MSTO1: variants seen among roughly 807,000 people sequenced by gnomAD.
MSTO1 encodes the protein protein misato homolog 1.
Under a neutral mutation model 55.7 loss-of-function variants are expected in MSTO1, and 24 were observed. The observed-to-expected ratio is 0.43, with a 90% CI of 0.31 to 0.61. The LOEUF (loss-of-function observed/expected upper bound fraction) is 0.61. Among genes scored for constraint, MSTO1 ranks in the 20% least tolerant of loss-of-function variants. MSTO1 has a pLI of 0.09. For synonymous variants in MSTO1, 162 were observed against 252.8 expected, an observed-to-expected ratio of 0.64 and a Z score of 3.41; for missense variants, 363 against 625.7, an observed-to-expected ratio of 0.58 and a Z score of 4.48.
At chr1:155,593,857 T>TACTC in the MSTO1 span, among the ~76,000 whole-genome samples, 6 of 151,638 alleles carry the variant, frequency 4.0e-5, no homozygotes, top group Non-Finnish European at 8.8e-5. Context: ...TAGTCCCAGC[T>TACTC]ACTCGGGAGG....
chr1:155,603,115 A>G, the MSTO1 span, among the ~76,000 whole-genome samples: 2 of 152,172 alleles, frequency 1.3e-5, no homozygotes, highest in Non-Finnish European at 2.9e-5. Context: ...CTGTAATCCC[A>G]GCACTTTGGG....
the MSTO1 span, among the ~76,000 whole-genome samples, chr1:155,590,244 G>A: frequency 6.6e-6 from 1 of 152,048 alleles, no homozygotes; most frequent in East Asian, 1.9e-4. Flanking sequence ...GGGAAACCCA[G>A]CCCCCAGCAG....
At chr1:155,582,789 T>C in the MSTO1 span, among the ~76,000 whole-genome samples, 98 of 152,184 alleles carry the variant, frequency 6.4e-4, no homozygotes, top group African/African-American at 2.3e-3. Context: ...TATTTTGAAA[T>C]GTGATTTAGT....
the MSTO1 span, among the ~76,000 whole-genome samples, chr1:155,604,302 A>C: frequency 2.0e-5 from 3 of 152,264 alleles, no homozygotes; most frequent in Non-Finnish European, 2.9e-5. Context: ...CACATAAAGA[A>C]CCTGTTCAAA....
the MSTO1 span, among the ~76,000 whole-genome samples, chr1:155,578,086 GTAGCAA>G: frequency 1.3e-5 from 2 of 152,018 alleles, no homozygotes; most frequent in Non-Finnish European, 2.9e-5. Context: ...GATTTTGATA[GTAGCAA>G]TATTTTTTTA....
At position 155,614,785 on chromosome 1, in the gene MSTO1, G is replaced by C. The variant is rs573439166; in HGVS notation, c.*512G>C. On this transcript the variant is annotated 3_prime_UTR_variant, in exon 14 of 14. Transcript: ENST00000245564. ...GTCAGACAGCTGGTCTGCATTGCTG[G>C]TACTGGTTGCATCATCCTCATCCTC... The C allele has an allele frequency of 9.5e-5, 146 of 1,544,180 alleles. No homozygotes were observed. The highest frequency in any genetic ancestry group is 1.2e-4 in the Non-Finnish European group (137 of 1,124,868).
At chr1:155,582,750 C>T in the MSTO1 span, among the ~76,000 whole-genome samples, 3 of 152,108 alleles carry the variant, frequency 2.0e-5, no homozygotes, top group Middle Eastern at 3.2e-3. Context: ...TGAGCCACCG[C>T]GCCCGGCCGG....
the MSTO1 span, among the ~76,000 whole-genome samples, chr1:155,575,824 A>ATTTATTTG: frequency 6.9e-6 from 1 of 144,188 alleles, no homozygotes; most frequent in Non-Finnish European, 1.5e-5. Flanking sequence ...TTATTTATTT[A>ATTTATTTG]TTTATTTATT....
the MSTO1 span, among the ~76,000 whole-genome samples, chr1:155,578,478 A>G: frequency 6.8e-6 from 1 of 147,704 alleles, no homozygotes; most frequent in Admixed American, 6.9e-5. Context: ...AGCTGGAACT[A>G]CAGGCATGCG....
At chr1:155,567,592 G>A in the MSTO1 span, among the ~76,000 whole-genome samples, 3 of 152,076 alleles carry the variant, frequency 2.0e-5, no homozygotes, top group East Asian at 1.9e-4. Context: ...GAGCCACCGC[G>A]CCCGGCCTAA....
chr1:155,567,503 G>A, the MSTO1 span, among the ~76,000 whole-genome samples: 2 of 151,022 alleles, frequency 1.3e-5, no homozygotes, highest in East Asian at 2.0e-4. Context: ...TAGTAGAGAC[G>A]GGGTTTCACC....
At chr1:155,607,782 C>T (rs1672962022), upstream of MSTO1, among the ~76,000 whole-genome samples, 1 of 152,158 alleles carries the variant, frequency 6.6e-6, no homozygotes, top group Non-Finnish European at 1.5e-5. Context: ...GTGGGCAGAT[C>T]GCTTGAGCTC....
chr1:155,579,962 G>A, the MSTO1 span, among the ~76,000 whole-genome samples: 1 of 151,622 alleles, frequency 6.6e-6, no homozygotes, highest in South Asian at 2.1e-4. Flanking sequence ...TGTAATCCCA[G>A]CTACTTGGGA....
At chr1:155,572,923 G>A in the MSTO1 span, among the ~76,000 whole-genome samples, 3 of 152,062 alleles carry the variant, frequency 2.0e-5, no homozygotes, top group Non-Finnish European at 4.4e-5. Context: ...GTGCTCAGAT[G>A]ACAGGTGTGA....
chr1:155,572,270 T>G, the MSTO1 span, among the ~76,000 whole-genome samples: 1 of 152,066 alleles, frequency 6.6e-6, no homozygotes, highest in Non-Finnish European at 1.5e-5. Flanking sequence ...CCAAAATGCC[T>G]CCAAACATTC....
At chr1:155,603,913 CT>C in the MSTO1 span, among the ~76,000 whole-genome samples, 2 of 151,810 alleles carry the variant, frequency 1.3e-5, no homozygotes, top group African/African-American at 4.8e-5. Context: ...GGTAGAAGTT[CT>C]TTTACATTCA....
At chr1:155,581,584 G>C in the MSTO1 span, among the ~76,000 whole-genome samples, 1 of 151,718 alleles carries the variant, frequency 6.6e-6, no homozygotes, top group South Asian at 2.1e-4. Context: ...TCTAATTTTT[G>C]TATTTTTAGT....
At chr1:155,600,374 G>A in the MSTO1 span, among the ~76,000 whole-genome samples, 1 of 152,086 alleles carries the variant, frequency 6.6e-6, no homozygotes, top group African/African-American at 2.4e-5. Flanking sequence ...CAGGGTTGGG[G>A]GTAAGGTCAT....
Position 155,612,553 on chromosome 1 carries a change from C to T in MSTO1, c.949C>T (p.Pro317Ser). ...GLRPEPPVSF[P>S]YLHYDATLPF... ...GCGACCCGAGCCACCTGTCAGCTTCCCTTACCTGCATTATGATGTAAGTCT... is the reference window on the plus strand; with the variant it reads ...GCGACCCGAGCCACCTGTCAGCTTCTCTTACCTGCATTATGATGTAAGTCT... Residue 317 changes from proline to serine, a missense_variant, in exon 9 of 14, where the codon CCT becomes TCT. By Grantham distance (74) the Pro-to-Ser change is moderately conservative. This residue lies in a region of MSTO1 where 231 missense variants were observed against 286.9 expected (regional missense o/e 0.81). Coordinates refer to ENST00000245564, the MANE Select transcript of MSTO1 (RefSeq NM_018116.4). 1.2e-6 allele frequency: 2 copies of T among 1,612,030 alleles called. No individual in the cohort carries two copies. Among genetic ancestry groups the T allele is most frequent in the South Asian group, 1.1e-5 (1 of 90,966 alleles).
Sources: gnomAD v4.1 joint callset for allele counts (sites outside exome capture counted in the v4.1 genomes callset) on GRCh38, gnomAD v4.1.1 for gene constraint, gnomAD v4.1.1 regional missense constraint, MANE v1.5 for transcripts, NCBI Gene and HGNC (gene_info 2026-07-23, HGNC 2026-07-21) for gene names.